ASB11: variants seen among roughly 807,000 people sequenced by gnomAD.
ASB11 encodes the protein ankyrin repeat and SOCS box protein 11.
In ASB11, 17 loss-of-function variants were observed where a neutral mutation model predicts 20.1. That is an observed-to-expected ratio of 0.85 (90% CI 0.58 to 1.27). The LOEUF is 1.27. ASB11 is among the 50% of genes most tolerant of loss of function. The probability of loss-of-function intolerance (pLI) is 0.00; values close to 1 mark genes in which losing one functional copy is unlikely to be tolerated. For missense variants in ASB11, 259 were observed against 256.9 expected (o/e 1.01, Z -0.06); for synonymous variants, 107 against 105.6 (o/e 1.01, Z -0.08).
intron 3 of ASB11, 47 bp from the exon 4 acceptor site, chrX:15,293,367 C>T: frequency 8.6e-7 from 1 of 1,156,693 alleles, no homozygotes; most frequent in South Asian, 2.0e-5. Flanking sequence ...ATTTCATTCT[C>T]ACCATCTCCA....
At chrX:15,306,868 C>T (rs988048123) in intron 1 of ASB11, among the ~76,000 whole-genome samples, 2 of 112,101 alleles carry the variant, frequency 1.8e-5, no homozygotes, top group South Asian at 3.7e-4. Context: ...AGACATGTTA[C>T]GCTCTTGCCT....
chrX:15,284,127 C>A (rs1460242902), intron 6 of ASB11, among the ~76,000 whole-genome samples: 3 of 106,675 alleles, frequency 2.8e-5, no homozygotes, highest in Non-Finnish European at 3.8e-5. Context: ...TGGCGGGTGC[C>A]TATAGTCCCA....
chrX:15,283,612 G>A lies in ASB11; in HGVS notation c.865C>T (p.Gln289Ter), dbSNP rs1927258021. The change falls in exon 7 of 7, where the codon CAG (glutamine) becomes TAG (stop). Residue 289 changes from glutamine to a stop codon, truncating the protein, a stop_gained. Coordinates refer to ENST00000480796, the MANE Select transcript of ASB11 (RefSeq NM_080873.3). LOFTEE classifies it high-confidence loss of function. The part of the protein sequence containing the change: ...LLREGPPALS[Q>*]LCRLCVRKCL... ...TTCCGGACACACAGGCGGCAGAGCT[G>A]GGAAAGAGCAGGTGGGCCTGAGAGA... 1 of 1,207,983 alleles carries A rather than the reference G, an allele frequency of 8.3e-7. No homozygotes were observed. Among genetic ancestry groups the A allele is most frequent in the African/African-American group, 1.8e-5 (1 of 56,743 alleles).
chrX:15,300,169 T>TAA (rs1430868595), intron 2 of ASB11, among the ~76,000 whole-genome samples: 3 of 112,429 alleles, frequency 2.7e-5, no homozygotes, highest in Non-Finnish European at 5.6e-5. Context: ...AAAAAACTGT[T>TAA]ACGGTGCAAA....
Position 15,283,550 on chromosome X carries a change from C to T in ASB11, c.927G>A (p.Lys309=). 1 of 1,210,428 alleles carries T rather than the reference C, an allele frequency of 8.3e-7. No individual in the cohort carries two copies. The highest frequency in any genetic ancestry group is 1.1e-6 in the Non-Finnish European group (1 of 894,679). ...LGRACHQAIH[K]LHLPEPLERF... ...GTTCGAGTGGCTCTGGCAGATGTAG[C>T]TTGTGGATGGCTTGATGACATGCTC... The change falls in exon 7 of 7, where the codon AAG becomes AAA. Residue 309 remains lysine, a synonymous_variant. Transcript: ENST00000480796.
chrX:15,292,552 T>G (rs768693790), intron 4 of ASB11, among the ~76,000 whole-genome samples: 4 of 112,313 alleles, frequency 3.6e-5, no homozygotes, highest in Non-Finnish European at 7.5e-5. Context: ...GGAAATTAAC[T>G]GACAACACAG....
At chrX:15,283,742 G>C (rs1927262518) in intron 6 of ASB11, 113 bp from the exon 7 acceptor site, 4 of 872,559 alleles carry the variant, frequency 4.6e-6, no homozygotes, top group South Asian at 4.5e-5. Context: ...AGAGAAGCTG[G>C]ATCTGTATAG....
chrX:15,283,579 C>CGA lies in ASB11; in HGVS notation c.896_897dup (p.Gly300SerfsTer50). On this transcript the variant is annotated frameshift_variant, in exon 7 of 7. Coordinates refer to ENST00000480796, the MANE Select transcript of ASB11 (RefSeq NM_080873.3). LOFTEE classifies it high-confidence loss of function. The stretch of plus-strand genomic sequence containing the variant: ...TGGATGGCTTGATGACATGCTCGAC[C>CGA]GAGACACTTCCGGACACACAGGCGG... The CGA allele has an allele frequency of 8.3e-7, 1 of 1,209,726 alleles. No homozygotes were observed. Among genetic ancestry groups the CGA allele is most frequent in the Non-Finnish European group, 1.1e-6 (1 of 894,240 alleles).
chrX:15,282,104 A>G lies in ASB11; in HGVS notation c.*1401T>C, dbSNP rs1927198623. On this transcript the variant is annotated 3_prime_UTR_variant, in exon 7 of 7. Transcript: ENST00000480796. ...TAGCAATTCTCCCCCAGTTGTTGCA[A>G]CTAAACATGTCTGCAGACATTGACA... is the stretch of plus-strand genomic sequence containing the variant. 9.0e-6 allele frequency: 1 copy of G among 110,940 alleles called. No homozygotes were observed. Among genetic ancestry groups the G allele is most frequent in the African/African-American group, 3.3e-5 (1 of 30,482 alleles). 9.1% of individuals were successfully genotyped at this position (110,940 alleles called of 1,213,427 possible). A position where few individuals can be genotyped will look rare whatever the true frequency, so the allele number is the denominator to read the frequency against.
At chrX:15,290,539 A>G (rs1371995211) in intron 4 of ASB11, among the ~76,000 whole-genome samples, 2 of 112,508 alleles carry the variant, frequency 1.8e-5, no homozygotes, top group Non-Finnish European at 3.7e-5. Flanking sequence ...GTAAGCAAGC[A>G]TTCTCTTTTG....
chrX:15,291,713 TA>T (rs1203561883), intron 4 of ASB11, among the ~76,000 whole-genome samples: 27 of 78,562 alleles, frequency 3.4e-4, no homozygotes, highest in African/African-American at 8.6e-4. Context: ...TCTCAAAAAA[TA>T]AAAAAAAAAT....
chrX:15,304,890 C>T (rs1388716429), intron 1 of ASB11, among the ~76,000 whole-genome samples: 1 of 111,386 alleles, frequency 9.0e-6, no homozygotes, highest in Non-Finnish European at 1.9e-5. Context: ...ATGGGGCTTC[C>T]ATTGGCCAAA....
chrX:15,310,482 G>A (rs1198450024), intron 1 of ASB11, among the ~76,000 whole-genome samples: 2 of 111,809 alleles, frequency 1.8e-5, no homozygotes, highest in Admixed American at 9.5e-5. Flanking sequence ...TTCCCCCTTT[G>A]AATTTTTCTC....
At chrX:15,309,785 G>T (rs1160689005) in intron 1 of ASB11, among the ~76,000 whole-genome samples, 1 of 108,333 alleles carries the variant, frequency 9.2e-6, no homozygotes, top group East Asian at 2.9e-4. Flanking sequence ...GGCTAACATG[G>T]TGAAACCCCA....
intron 1 of ASB11, chrX:15,314,497 C>T (rs748613252): frequency 4.2e-5 from 50 of 1,190,502 alleles, no homozygotes; most frequent in Middle Eastern, 2.3e-4. Flanking sequence ...TCTGATGCTT[C>T]GTCCTTGGAG....
intron 2 of ASB11, among the ~76,000 whole-genome samples, chrX:15,301,329 A>G (rs1921060617): frequency 8.9e-6 from 1 of 112,180 alleles, no homozygotes; most frequent in African/African-American, 3.2e-5. Flanking sequence ...AAAATAATCA[A>G]ATCACATCCA....
chrX:15,292,399 C>T (rs1387913899), intron 4 of ASB11, among the ~76,000 whole-genome samples: 1 of 111,933 alleles, frequency 8.9e-6, no homozygotes, highest in Non-Finnish European at 1.9e-5. Flanking sequence ...AGAACAACTC[C>T]CTCACTTGCT....
chrX:15,290,551 G>T (rs1024388276), intron 4 of ASB11, among the ~76,000 whole-genome samples: 26 of 112,237 alleles, frequency 2.3e-4, no homozygotes, highest in African/African-American at 6.5e-4. Context: ...TCTCTTTTGA[G>T]AGTTTGCCCA....
chrX:15,301,765 G>A (rs761523446), intron 2 of ASB11, among the ~76,000 whole-genome samples: 2 of 112,553 alleles, frequency 1.8e-5, no homozygotes, highest in Non-Finnish European at 3.8e-5. Flanking sequence ...TGCTGGGGAT[G>A]TAGTCATAAA....
Sources: gnomAD v4.1 joint callset for allele counts (sites outside exome capture counted in the v4.1 genomes callset) on GRCh38, gnomAD v4.1.1 for gene constraint, MANE v1.5 for transcripts, NCBI Gene and HGNC (gene_info 2026-07-23, HGNC 2026-07-21) for gene names.